The following SLC20A2 variants were observed in gnomAD, a reference collection of about 807,000 sequenced individuals.
SLC20A2 encodes the protein solute carrier family 20 member 2.
A neutral mutation model predicts 61.0 loss-of-function variants in SLC20A2; 30 were observed. That is an observed-to-expected ratio of 0.49 (90% confidence interval 0.37 to 0.67). The LOEUF (loss-of-function observed/expected upper bound fraction) is 0.67, where lower values mean the gene tolerates loss of function less well. Ranked by LOEUF, SLC20A2 falls within the 30% of genes least tolerant of loss-of-function variation. The pLI is 0.00. For missense variants in SLC20A2, 626 were observed against 866.4 expected (o/e 0.72, Z 3.48); for synonymous variants, 351 against 353.3 (o/e 0.99, Z 0.07).
chr8:42,460,694 G>A (rs1320412331), intron 4 of SLC20A2, among the ~76,000 whole-genome samples: 1 of 152,144 alleles, frequency 6.6e-6, no homozygotes, highest in African/African-American at 2.4e-5. Flanking sequence ...AGTTCAACAC[G>A]AATGGTACTG....
intron 1 of SLC20A2, among the ~76,000 whole-genome samples, chr8:42,509,279 C>T (rs1329814069): frequency 1.3e-5 from 2 of 152,228 alleles, no homozygotes; most frequent in Non-Finnish European, 2.9e-5. Context: ...CCTCCATTGT[C>T]TGGAGTCCAC....
intron 6 of SLC20A2, 112 bp downstream of exon 6, chr8:42,444,534 G>A (rs1041212899): frequency 3.7e-6 from 3 of 801,064 alleles, no homozygotes; most frequent in Admixed American, 1.9e-5. Flanking sequence ...GGTATGTTCT[G>A]GAGTCACCCA....
intron 1 of SLC20A2, among the ~76,000 whole-genome samples, chr8:42,526,363 A>T (rs989234239): frequency 1.3e-5 from 2 of 152,130 alleles, no homozygotes; most frequent in Admixed American, 6.6e-5. Context: ...TTTAAAAAAA[A>T]AAAAAGAAGT....
At chr8:42,427,496 G>A (rs1425193570) in intron 10 of SLC20A2, among the ~76,000 whole-genome samples, 1 of 152,206 alleles carries the variant, frequency 6.6e-6, no homozygotes, top group Non-Finnish European at 1.5e-5. Flanking sequence ...CTGTGGAGAG[G>A]GAACGGTGTG....
intron 5 of SLC20A2, among the ~76,000 whole-genome samples, chr8:42,455,267 G>T (rs199914167): frequency 6.3e-3 from 705 of 111,630 alleles, no homozygotes; most frequent in African/African-American, 0.013. Flanking sequence ...TAGAGAGAGA[G>T]AGAGAGAGAG....
At chr8:42,439,742 G>T in intron 6 of SLC20A2, 89 bp from the exon 7 acceptor site, 1 of 993,658 alleles carries the variant, frequency 1.0e-6, no homozygotes, top group Non-Finnish European at 1.5e-6. Flanking sequence ...ATATCTTTAT[G>T]CTTTAGCACT....
chr8:42,477,089 C>T (rs1808174015), intron 1 of SLC20A2, among the ~76,000 whole-genome samples: 1 of 152,186 alleles, frequency 6.6e-6, no homozygotes, highest in African/African-American at 2.4e-5. Flanking sequence ...AAGGCCCCGT[C>T]GCAGTTCTGT....
chr8:42,439,781 G>A, intron 6 of SLC20A2, 128 bp from the exon 7 acceptor site: 1 of 714,326 alleles, frequency 1.4e-6, no homozygotes, highest in South Asian at 1.9e-5. Flanking sequence ...AAAAGTTATA[G>A]CTAGATAGAG....
intron 10 of SLC20A2, among the ~76,000 whole-genome samples, chr8:42,426,461 T>C (rs6474395): frequency 0.22 from 33,770 of 152,138 alleles, 7,694 homozygotes; most frequent in African/African-American, 0.58. Context: ...TTTGGGAGGC[T>C]GAGGCAGGCA....
intron 10 of SLC20A2, among the ~76,000 whole-genome samples, chr8:42,421,218 T>C (rs998895914): frequency 2.0e-5 from 3 of 152,288 alleles, no homozygotes; most frequent in Middle Eastern, 3.4e-3. Flanking sequence ...TGTTTAGAGA[T>C]GGGGTCTTAC....
intron 5 of SLC20A2, among the ~76,000 whole-genome samples, chr8:42,459,251 A>T (rs1337931484): frequency 6.6e-5 from 10 of 151,438 alleles, no homozygotes; most frequent in African/African-American, 2.4e-4. Flanking sequence ...AAAAAAAAAA[A>T]AAAAAAAACA....
intron 4 of SLC20A2, 76 bp from the exon 5 acceptor site, chr8:42,460,068 C>T (rs905363545): frequency 2.5e-6 from 2 of 808,198 alleles, no homozygotes; most frequent in African/African-American, 3.4e-5. Flanking sequence ...CAAAATGATA[C>T]AAAATACTGT....
chr8:42,462,075 T>C (rs186370284), intron 4 of SLC20A2, among the ~76,000 whole-genome samples: 30 of 151,934 alleles, frequency 2.0e-4, no homozygotes, highest in Non-Finnish European at 2.1e-4. Context: ...ACCAGGCGAA[T>C]CTGGGGGAGG....
chr8:42,478,893 A>AC (rs1318859246), intron 1 of SLC20A2, among the ~76,000 whole-genome samples: 1 of 152,208 alleles, frequency 6.6e-6, no homozygotes, highest in Non-Finnish European at 1.5e-5. Context: ...AAAAAAAAAA[A>AC]ACACAGTTCT....
At chr8:42,539,508 GAC>G in intron 1 of SLC20A2, among the ~76,000 whole-genome samples, 1 of 152,280 alleles carries the variant, frequency 6.6e-6, no homozygotes, top group East Asian at 1.9e-4. Flanking sequence ...TAAAAACTTA[GAC>G]ACACAAATCT....
At chr8:42,516,869 T>C (rs1312624498) in intron 1 of SLC20A2, among the ~76,000 whole-genome samples, 2 of 152,178 alleles carry the variant, frequency 1.3e-5, no homozygotes, top group African/African-American at 4.8e-5. Context: ...CGATGTAATC[T>C]AGGCACCCAT....
At position 42,465,823 on chromosome 8, in the gene SLC20A2, G is replaced by A. The variant is rs755868919; in HGVS notation, c.384C>T (p.Val128=). 20 of 1,613,654 alleles carry A rather than the reference G, an allele frequency of 1.2e-5. No homozygotes were observed. In the East Asian group the frequency reaches 2.5e-4, roughly 20 times the overall value. Residue 128 remains valine (V), a synonymous_variant, in exon 3 of 11, where the codon GTC becomes GTT. Transcript: ENST00000520262. The part of the protein sequence containing the change: ...IVGSTIGFSL[V]AIGTKGVQWM... ...ACTGCACACCTTTGGTACCGATTGCGACCAGTGAGAATCCTATAGTAGAAC... is the reference window on the plus strand; with the variant it reads ...ACTGCACACCTTTGGTACCGATTGCAACCAGTGAGAATCCTATAGTAGAAC...
chr8:42,456,698 C>A (rs1340458686), intron 5 of SLC20A2, among the ~76,000 whole-genome samples: 1 of 147,694 alleles, frequency 6.8e-6, no homozygotes, highest in African/African-American at 2.5e-5. Flanking sequence ...TGCCATTGCA[C>A]TCCAGCCCGG....
chr8:42,493,334 A>G (rs1016678676), intron 1 of SLC20A2, among the ~76,000 whole-genome samples: 7 of 152,222 alleles, frequency 4.6e-5, no homozygotes, highest in Admixed American at 1.3e-4. Context: ...GTACTTTCTT[A>G]AAGTGCTCTC....
Sources: gnomAD v4.1 joint callset for allele counts (sites outside exome capture counted in the v4.1 genomes callset) on GRCh38, gnomAD v4.1.1 for gene constraint, MANE v1.5 for transcripts, NCBI Gene and HGNC (gene_info 2026-07-23, HGNC 2026-07-21) for gene names.